The following USP21 variants were observed in gnomAD, a reference collection of about 807,000 sequenced individuals.
USP21 encodes the protein ubiquitin carboxyl-terminal hydrolase 21.
A neutral mutation model predicts 70.8 loss-of-function variants in USP21; 37 were observed. That is an observed-to-expected ratio of 0.52 (90% CI 0.40 to 0.69). The LOEUF (loss-of-function observed/expected upper bound fraction) is 0.69, where lower values mean the gene tolerates loss of function less well. Ranked by LOEUF, USP21 falls within the 30% of genes least tolerant of loss-of-function variation. The pLI, the probability that USP21 is intolerant of heterozygous loss-of-function variation, is 0.00. For synonymous variants in USP21, 263 were observed against 283.1 expected (o/e 0.93, Z 0.71); for missense variants, 584 against 740.8 (o/e 0.79, Z 2.46).
intron 13 of USP21, 26 bp downstream of exon 13, chr1:161,165,169 C>G (rs767795393): frequency 1.3e-6 from 2 of 1,596,600 alleles, no homozygotes; most frequent in African/African-American, 1.3e-5. Context: ...TATTTACATC[C>G]TGCCCCATTC....
At position 161,162,124 on chromosome 1, in the gene USP21, C is replaced by T. The variant is rs753326344; in HGVS notation, c.660+27C>T. 1.2e-6 allele frequency: 2 copies of T among 1,613,840 alleles called. No homozygotes were observed. Among genetic ancestry groups the T allele is most frequent in the Admixed American group, 1.7e-5 (1 of 59,996 alleles). On this transcript the variant is annotated intron_variant, in intron 4 of 13. Coordinates refer to ENST00000368002, the MANE Select transcript of USP21 (RefSeq NM_001014443.3). The surrounding 1 kb of genome is among the most constrained non-coding windows in gnomAD (Gnocchi z 4.1). ...TGAGAGCTATTCTCCTATCTTTCCT[C>T]TCTAAAAGGAATGTGAAATGGTGCT...
In USP21 at chr1:161,163,573, C is replaced by G. The variant is rs1382221445; in HGVS notation, c.1068C>G (p.Asn356Lys). 1.2e-6 allele frequency: 2 copies of G among 1,612,768 alleles called. No homozygotes were observed. Among genetic ancestry groups the G allele is most frequent in the African/African-American group, 1.3e-5 (1 of 74,374 alleles). The part of the protein sequence containing the change: ...EPELSDDDRA[N>K]LMWKRYLERE... ...GTGGTAGTGATGATGACCGAGCCAACCTAATGTGGAAACGTTACCTGGAGC... is the reference window on the plus strand; with the variant it reads ...GTGGTAGTGATGATGACCGAGCCAAGCTAATGTGGAAACGTTACCTGGAGC... Residue 356 changes from asparagine to lysine, a missense_variant, in exon 8 of 14, where the codon AAC (asparagine) becomes AAG (lysine). By Grantham distance (94) the Asn-to-Lys change is moderately conservative. Around this residue, in one of 4 missense-constraint regions of USP21, gnomAD observed 173 missense variants for 268.2 expected, o/e 0.65. Transcript: ENST00000368002.
At chr1:161,160,271 T>G in intron 1 of USP21, 95 bp from the exon 2 acceptor site, 1 of 257,486 alleles carries the variant, frequency 3.9e-6, no homozygotes, top group Non-Finnish European at 7.6e-6. Context: ...GGGTCGGGAG[T>G]ATAGAAAGGG....
chr1:161,161,102 C>T lies in USP21; in HGVS notation c.462C>T (p.Ser154=). The change falls in exon 3 of 14, where the codon AGC becomes AGT. Residue 154 remains serine, a synonymous_variant. Coordinates refer to ENST00000368002, the MANE Select transcript of USP21 (RefSeq NM_001014443.3). This position sits in a 1 kb window ranked among gnomAD's most constrained non-coding sequence, Gnocchi z 4.2. Reference sequence around the variant, plus strand: ...CTGAGCCACCCACTTTGAGACGTAGCACTTCTCTCCGCCGCCTAGGGGGCT... The same window carrying T: ...CTGAGCCACCCACTTTGAGACGTAGTACTTCTCTCCGCCGCCTAGGGGGCT... The part of the protein sequence containing the change: ...LRPEPPTLRR[S]TSLRRLGGFP... 1.2e-6 allele frequency: 2 copies of T among 1,614,234 alleles called. No individual in the cohort carries two copies. Among genetic ancestry groups the T allele is most frequent in the Non-Finnish European group, 1.7e-6 (2 of 1,180,028 alleles).
Position 161,162,098 on chromosome 1 carries a change from G to A in USP21, c.660+1G>A. 1 of 1,614,122 alleles carries A rather than the reference G, an allele frequency of 6.2e-7. No individual in the cohort carries two copies. Among genetic ancestry groups the A allele is most frequent in the Non-Finnish European group, 8.5e-7 (1 of 1,179,994 alleles). On this transcript the variant is annotated splice_donor_variant, in intron 4 of 13. Transcript: ENST00000368002. LOFTEE classifies it high-confidence loss of function. The surrounding 1 kb of genome is among the most constrained non-coding windows in gnomAD (Gnocchi z 4.1). ...TGGCCTTCGAAACCTGGGAAACACG[G>A]TGAGAGCTATTCTCCTATCTTTCCT...
chr1:161,162,955 G>T lies in USP21; in HGVS notation c.930G>T (p.Met310Ile). The change falls in exon 7 of 14, where the codon ATG becomes ATT. Residue 310 changes from methionine (M) to isoleucine (I), a missense_variant. By Grantham distance (10) the Met-to-Ile change is conservative. This residue lies in a region of USP21 where 87 missense variants were observed against 162.4 expected (regional missense o/e 0.54). Transcript: ENST00000368002. The surrounding 1 kb of genome is among the most constrained non-coding windows in gnomAD (Gnocchi z 4.1). ...CCCAAGAGTTCCTGAAGCTCCTCAT[G>T]GAGCGGCTACACCTTGAAATCAACC... is the stretch of plus-strand genomic sequence containing the variant. ...QDAQEFLKLL[M>I]ERLHLEINRR... 1 of 1,612,710 alleles carries T rather than the reference G, an allele frequency of 6.2e-7. No individual in the cohort carries two copies.
In USP21 at chr1:161,162,423, G is replaced by A. The variant is rs1308962126; in HGVS notation, c.781+33G>A. 1.3e-6 allele frequency: 2 copies of A among 1,576,016 alleles called. No homozygotes were observed. The highest frequency in any genetic ancestry group is 2.7e-5 in the African/African-American group (2 of 73,822). ...AACAACTCCTGCTCCCTCTGTTCAA[G>A]TCCCTTTTTCCCCAACCACTTGCAG... On this transcript the variant is annotated intron_variant, in intron 5 of 13. Coordinates refer to ENST00000368002, the MANE Select transcript of USP21 (RefSeq NM_001014443.3). The surrounding 1 kb of genome is among the most constrained non-coding windows in gnomAD (Gnocchi z 4.1).
In USP21 at chr1:161,161,391, C is replaced by A; in HGVS notation, c.600+151C>A. The A allele has an allele frequency of 2.0e-6, 2 of 995,412 alleles. No homozygotes were observed. Among genetic ancestry groups the A allele is most frequent in the Non-Finnish European group, 2.9e-6 (2 of 693,794 alleles). 61.7% of individuals were successfully genotyped at this position (995,412 alleles called of 1,614,324 possible). On this transcript the variant is annotated intron_variant, in intron 3 of 13. Transcript: ENST00000368002. This position sits in a 1 kb window ranked among gnomAD's most constrained non-coding sequence, Gnocchi z 4.2. ...ACATGCCTCTCCCTTGCTTAAATAC[C>A]CTTGAGCCTCCTAGACCCTTTTTTG... is the stretch of plus-strand genomic sequence containing the variant.
Position 161,163,550 on chromosome 1 carries a change from G to A in USP21, c.1050-5G>A. On this transcript the variant is annotated splice_polypyrimidine_tract_variant and splice_region_variant and intron_variant, in intron 7 of 13. Coordinates refer to ENST00000368002, the MANE Select transcript of USP21 (RefSeq NM_001014443.3). ...GTGCTCCCCACTTCCTTTGATCTGT[G>A]GTAGTGATGATGACCGAGCCAACCT... 1 of 1,613,798 alleles carries A rather than the reference G, an allele frequency of 6.2e-7. No homozygotes were observed. Among genetic ancestry groups the A allele is most frequent in the South Asian group, 1.1e-5 (1 of 91,058 alleles).
Position 161,165,463 on chromosome 1 carries a change from G to A in USP21, c.*16G>A, listed in dbSNP as rs1658607596. ...GTGCCTGTGACACCTCTAAGCTCTG[G>A]CACCTGTGAAGCCCTTTAAACACCC... is the stretch of plus-strand genomic sequence containing the variant. On this transcript the variant is annotated 3_prime_UTR_variant, in exon 14 of 14. Coordinates refer to ENST00000368002, the MANE Select transcript of USP21 (RefSeq NM_001014443.3). The A allele has an allele frequency of 4.4e-6, 7 of 1,605,184 alleles. No individual in the cohort carries two copies. The highest frequency in any genetic ancestry group is 4.3e-6 in the Non-Finnish European group (5 of 1,172,760).
Position 161,165,361 on chromosome 1 carries a change from T to G in USP21, c.1612T>G (p.Ser538Ala), listed in dbSNP as rs756415420. The G allele has an allele frequency of 4.2e-5, 68 of 1,613,754 alleles. No homozygotes were observed. Among genetic ancestry groups the G allele is most frequent in the Non-Finnish European group, 5.2e-5 (61 of 1,179,870 alleles). Residue 538 changes from serine to alanine, a missense_variant, in exon 14 of 14, where the codon TCC (serine) becomes GCC (alanine). Transcript: ENST00000368002. ...CCCGATCTCCTTTTTTCCTAGTGTC[T>G]CCCCTGTCAGTGAAAACCAGGTGGC... Reference protein sequence around the residue: ...GWHVYNDSRVSPVSENQVASS... With the variant: ...GWHVYNDSRVAPVSENQVASS...
Position 161,164,557 on chromosome 1 carries a change from A to T in USP21, c.1329A>T (p.Lys443Asn). Residue 443 changes from lysine to asparagine, a missense_variant, in exon 11 of 14, where the codon AAA (lysine) becomes AAT (asparagine). This residue lies in a region of USP21 where 173 missense variants were observed against 268.2 expected (regional missense o/e 0.65). Coordinates refer to ENST00000368002, the MANE Select transcript of USP21 (RefSeq NM_001014443.3). This position sits in a 1 kb window ranked among gnomAD's most constrained non-coding sequence, Gnocchi z 4.2. ...NAPVCDRCRQ[K>N]TRSTKKLTVQ... Reference sequence around the variant, plus strand: ...AGGTGTGTGACCGATGTCGGCAGAAAACTCGAAGTACCAAAAAGTTGACAG... The same window carrying T: ...AGGTGTGTGACCGATGTCGGCAGAATACTCGAAGTACCAAAAAGTTGACAG... 2 of 1,614,152 alleles carry T rather than the reference A, an allele frequency of 1.2e-6. No individual in the cohort carries two copies. The highest frequency in any genetic ancestry group is 1.7e-6 in the Non-Finnish European group (2 of 1,180,022).
rs763201934 is a variant in USP21 at position 161,160,969 on chromosome 1, G to A, written c.329G>A (p.Arg110His). The change falls in exon 3 of 14, where the codon CGT becomes CAT. Residue 110 changes from arginine to histidine, a missense_variant. By Grantham distance (29) the Arg-to-His change is conservative. Around this residue, in one of 4 missense-constraint regions of USP21, gnomAD observed 284 missense variants for 281.0 expected, o/e 1.01. Coordinates refer to ENST00000368002, the MANE Select transcript of USP21 (RefSeq NM_001014443.3). ...LPLPSRTNLA[R>H]SKSVSSGDLR... ...CTCCCATCTCGGACCAACTTAGCCCGTTCCAAGTCTGTGAGCAGTGGGGAC... is the reference window on the plus strand; with the variant it reads ...CTCCCATCTCGGACCAACTTAGCCCATTCCAAGTCTGTGAGCAGTGGGGAC... 26 of 1,614,228 alleles carry A rather than the reference G, an allele frequency of 1.6e-5. No individual in the cohort carries two copies. Among genetic ancestry groups the A allele is most frequent in the African/African-American group, 2.7e-5 (2 of 75,060 alleles).
chr1:161,162,047 A>G lies in USP21; in HGVS notation c.610A>G (p.Thr204Ala), dbSNP rs143385078. ...FYSDDKMAHH[T>A]LLLGSGHVGL... ...TACTCTGACCTTCCAGGCTCATCACACACTCCTTCTGGGCTCTGGTCATGT... is the reference window on the plus strand; with the variant it reads ...TACTCTGACCTTCCAGGCTCATCACGCACTCCTTCTGGGCTCTGGTCATGT... The change falls in exon 4 of 14, where the codon ACA becomes GCA. Residue 204 changes from threonine (T) to alanine (A), a missense_variant. Physicochemically the swap from Thr to Ala is moderately conservative, Grantham distance 58. Coordinates refer to ENST00000368002, the MANE Select transcript of USP21 (RefSeq NM_001014443.3). This position sits in a 1 kb window ranked among gnomAD's most constrained non-coding sequence, Gnocchi z 4.1. 122 of 1,614,008 alleles carry G rather than the reference A, an allele frequency of 7.6e-5. No homozygotes were observed. Among genetic ancestry groups the G allele is most frequent in the Non-Finnish European group, 1.0e-4 (118 of 1,180,022 alleles).
rs778254731 is a variant in USP21 at position 161,162,913 on chromosome 1, C to T, written c.894-6C>T. 2 of 1,606,686 alleles carry T rather than the reference C, an allele frequency of 1.2e-6. No individual in the cohort carries two copies. Among genetic ancestry groups the T allele is most frequent in the South Asian group, 1.1e-5 (1 of 90,398 alleles). The stretch of plus-strand genomic sequence containing the variant: ...TCAGTTGCCCATACTCTTTGTCTGG[C>T]TGTAGCCAGCAGGATGCCCAAGAGT... On this transcript the variant is annotated splice_region_variant and splice_polypyrimidine_tract_variant and intron_variant, in intron 6 of 13. Coordinates refer to ENST00000368002, the MANE Select transcript of USP21 (RefSeq NM_001014443.3). This position sits in a 1 kb window ranked among gnomAD's most constrained non-coding sequence, Gnocchi z 4.1.
Position 161,164,426 on chromosome 1 carries a change from A to G in USP21, c.1306-108A>G. 1 of 1,442,180 alleles carries G rather than the reference A, an allele frequency of 6.9e-7. No homozygotes were observed. The highest frequency in any genetic ancestry group is 9.7e-7 in the Non-Finnish European group (1 of 1,032,664). The allele number at this position is 1,442,180 out of a possible 1,614,324, so 89.3% of individuals were successfully genotyped here. ...AGAGCAAAGGGGAGAAGCCAAGAGG[A>G]TCCAGCTGTAATGAAGAGCATACTA... On this transcript the variant is annotated intron_variant, in intron 10 of 13. Coordinates refer to ENST00000368002, the MANE Select transcript of USP21 (RefSeq NM_001014443.3). This position sits in a 1 kb window ranked among gnomAD's most constrained non-coding sequence, Gnocchi z 4.2.
chr1:161,160,154 C>T (rs1657787873), intron 1 of USP21, among the ~76,000 whole-genome samples: 1 of 152,112 alleles, frequency 6.6e-6, no homozygotes, highest in South Asian at 2.1e-4. Context: ...TCTTAAGTGA[C>T]CCGAGGCACA....
rs370862481 is a variant in USP21, at chr1:161,160,919, A to G, written c.279A>G (p.Ser93=). 7 of 1,614,050 alleles carry G rather than the reference A, an allele frequency of 4.3e-6. No individual in the cohort carries two copies. In the African/African-American group the frequency reaches 9.3e-5, roughly 22 times the overall value. The change falls in exon 3 of 14, where the codon TCA becomes TCG. Residue 93 remains serine (S), a synonymous_variant. Transcript: ENST00000368002. ...ATCATGGGGTTCCCCTGCCTGGCTCACCACCCCCAACAGTGGCTTTGCCTC... is the reference window on the plus strand; with the variant it reads ...ATCATGGGGTTCCCCTGCCTGGCTCGCCACCCCCAACAGTGGCTTTGCCTC... ...RADHGVPLPG[S]PPPTVALPLP...
At chr1:161,163,148 T>G (rs1571286107) in intron 7 of USP21, 74 bp downstream of exon 7, 1 of 1,486,540 alleles carries the variant, frequency 6.7e-7, no homozygotes, top group Admixed American at 2.2e-5. Flanking sequence ...ACTAAACTAG[T>G]AAAGATTGAA....
Sources: allele counts gnomAD v4.1 joint callset (sites outside exome capture counted in the v4.1 genomes callset), GRCh38; gene constraint gnomAD v4.1.1; regional missense constraint gnomAD v4.1.1; non-coding constraint Gnocchi (gnomAD v3.1); transcripts MANE v1.5; gene names NCBI Gene and HGNC (gene_info 2026-07-23, HGNC 2026-07-21).